HHAT: variants seen among roughly 807,000 people sequenced by gnomAD.
HHAT encodes protein-cysteine N-palmitoyltransferase HHAT.
In HHAT, 47 loss-of-function variants were observed where a neutral mutation model predicts 70.8. The ratio of observed to expected loss-of-function variants is 0.66; its 90% CI spans 0.53 to 0.85. HHAT has a LOEUF of 0.85. HHAT is among the 40% of genes least tolerant of loss of function. HHAT has a pLI of 0.00. For missense variants in HHAT, 609 were observed against 604.8 expected (o/e 1.01, Z -0.07); for synonymous variants, 228 against 247.6 (o/e 0.92, Z 0.74).
intron 8 of HHAT, among the ~76,000 whole-genome samples, chr1:210,490,838 A>C (rs530404805): frequency 6.6e-6 from 1 of 152,280 alleles, no homozygotes; most frequent in Non-Finnish European, 1.5e-5. Context: ...AACCATTCCA[A>C]AGTAGAGATT....
chr1:210,635,927 G>T (rs1196756453), intron 11 of HHAT, among the ~76,000 whole-genome samples: 3 of 152,116 alleles, frequency 2.0e-5, no homozygotes, highest in African/African-American at 7.2e-5. Context: ...GTTCTGGAAG[G>T]GGGGTGCCTT....
At position 210,675,180 on chromosome 1, in the gene HHAT, G is replaced by A. The variant is rs1480578026; in HGVS notation, c.*801G>A. 6.6e-6 allele frequency: 1 copy of A among 152,162 alleles called. No individual in the cohort carries two copies. Among genetic ancestry groups the A allele is most frequent in the Non-Finnish European group, 1.5e-5 (1 of 68,028 alleles). The allele number at this position is 152,162 out of a possible 1,614,324, so 9.4% of individuals were successfully genotyped here. ...TATCAAGGCCAGTCATGAGGATGGT[G>A]TCCTGGAGTCTTGTCCACCCTCTCC... is the stretch of plus-strand genomic sequence containing the variant. On this transcript the variant is annotated 3_prime_UTR_variant, in exon 12 of 12. Coordinates refer to ENST00000261458, the MANE Select transcript of HHAT (RefSeq NM_018194.6).
At chr1:210,399,909 A>G (rs2091979960) in intron 4 of HHAT, among the ~76,000 whole-genome samples, 2 of 152,240 alleles carry the variant, frequency 1.3e-5, no homozygotes, top group African/African-American at 4.8e-5. Context: ...TTTCTATGAC[A>G]TAAATTTGAC....
intron 4 of HHAT, among the ~76,000 whole-genome samples, chr1:210,390,952 T>C (rs2091421481): frequency 6.6e-6 from 1 of 152,248 alleles, no homozygotes; most frequent in Admixed American, 6.5e-5. Flanking sequence ...ATTAGGCTGC[T>C]ATAAACATGC....
intron 9 of HHAT, among the ~76,000 whole-genome samples, chr1:210,575,368 A>G (rs1657450486): frequency 6.6e-6 from 1 of 152,106 alleles, no homozygotes; most frequent in Admixed American, 6.5e-5. Context: ...GGCTTCAAGG[A>G]CCTTTTTATT....
At chr1:210,654,756 C>T in intron 11 of HHAT, among the ~76,000 whole-genome samples, 1 of 152,282 alleles carries the variant, frequency 6.6e-6, no homozygotes, top group Non-Finnish European at 1.5e-5. Flanking sequence ...CAGTGCAGCC[C>T]CTAGGAAGGA....
chr1:210,457,325 G>A (rs1165077602), intron 7 of HHAT, among the ~76,000 whole-genome samples: 2 of 151,792 alleles, frequency 1.3e-5, no homozygotes, highest in Admixed American at 1.3e-4. Context: ...CCTCATATGA[G>A]AAAAAACTTA....
At chr1:210,394,402 C>A (rs541767219) in intron 4 of HHAT, among the ~76,000 whole-genome samples, 38 of 152,196 alleles carry the variant, frequency 2.5e-4, no homozygotes, top group African/African-American at 8.9e-4. Context: ...TGAATCATGG[C>A]TTTCAGCTTT....
intron 3 of HHAT, among the ~76,000 whole-genome samples, chr1:210,380,848 G>A (rs2090580778): frequency 6.8e-6 from 1 of 146,646 alleles, no homozygotes; most frequent in African/African-American, 2.4e-5. Flanking sequence ...GTGGGATGGT[G>A]GGGGCAGTGA....
chr1:210,453,041 G>T (rs1251056399), intron 7 of HHAT, among the ~76,000 whole-genome samples: 2 of 152,116 alleles, frequency 1.3e-5, no homozygotes, highest in Admixed American at 1.3e-4. Context: ...AATAACGCCT[G>T]TGCACCTATC....
chr1:210,439,028 A>C (rs926912239), intron 7 of HHAT, among the ~76,000 whole-genome samples: 1 of 151,910 alleles, frequency 6.6e-6, no homozygotes, highest in Non-Finnish European at 1.5e-5. Flanking sequence ...CATGTGGCTT[A>C]CTGTGGTCAT....
chr1:210,499,885 T>C (rs189428108), intron 8 of HHAT, among the ~76,000 whole-genome samples: 23 of 152,240 alleles, frequency 1.5e-4, no homozygotes, highest in Admixed American at 8.5e-4. Flanking sequence ...CAATATATCA[T>C]GAGCATGAGA....
intron 3 of HHAT, among the ~76,000 whole-genome samples, chr1:210,376,451 C>T (rs535075895): frequency 2.0e-5 from 3 of 152,166 alleles, no homozygotes; most frequent in East Asian, 3.8e-4. Flanking sequence ...TGTCTGAAAG[C>T]AGACGTCTCT....
intron 10 of HHAT, among the ~76,000 whole-genome samples, chr1:210,619,656 C>T (rs1303829313): frequency 6.6e-6 from 1 of 152,124 alleles, no homozygotes; most frequent in African/African-American, 2.4e-5. Context: ...CGCTTATTAT[C>T]CCTGGCCCCT....
At chr1:210,664,357 A>C (rs113062076) in intron 11 of HHAT, among the ~76,000 whole-genome samples, 4,484 of 152,360 alleles carry the variant, frequency 0.029, 85 homozygotes, top group Middle Eastern at 0.065. Flanking sequence ...TCCCCCTATC[A>C]GATCTGAACA....
At chr1:210,469,755 A>AGGTGAT (rs1257270902) in intron 8 of HHAT, among the ~76,000 whole-genome samples, 10 of 151,736 alleles carry the variant, frequency 6.6e-5, no homozygotes, top group African/African-American at 9.7e-5. Flanking sequence ...AGTGGCCTCT[A>AGGTGAT]CCTCCTGGGC....
intron 3 of HHAT, among the ~76,000 whole-genome samples, chr1:210,372,555 T>C (rs1240633128): frequency 6.6e-6 from 1 of 152,198 alleles, no homozygotes; most frequent in Non-Finnish European, 1.5e-5. Context: ...AAAACCATCA[T>C]TGAACTTGTT....
At chr1:210,566,390 A>T (rs1435275680) in intron 9 of HHAT, among the ~76,000 whole-genome samples, 1 of 152,162 alleles carries the variant, frequency 6.6e-6, no homozygotes, top group Non-Finnish European at 1.5e-5. Context: ...GTGGTTCCCC[A>T]GCAAAGGCCC....
chr1:210,422,258 T>A (rs1012530661), intron 7 of HHAT, among the ~76,000 whole-genome samples: 1 of 152,242 alleles, frequency 6.6e-6, no homozygotes, highest in Non-Finnish European at 1.5e-5. Flanking sequence ...CAAATAGTTA[T>A]CATTTCTTTG....
Sources: allele counts gnomAD v4.1 joint callset (sites outside exome capture counted in the v4.1 genomes callset), GRCh38; gene constraint gnomAD v4.1.1; transcripts MANE v1.5; gene names NCBI Gene and HGNC (gene_info 2026-07-23, HGNC 2026-07-21).